Variants in OSBPL5 observed in about 807,000 individuals in gnomAD.
OSBPL5 encodes oxysterol-binding protein-related protein 5.
In OSBPL5, 71 loss-of-function variants were observed where a neutral mutation model predicts 111.2. That is an observed-to-expected ratio of 0.64 (90% CI 0.53 to 0.78). The LOEUF is 0.78. Among genes scored for constraint, OSBPL5 ranks in the 30% least tolerant of loss-of-function variants. The pLI is 0.00. For synonymous variants in OSBPL5, 549 were observed against 513.9 expected, an observed-to-expected ratio of 1.07 and a Z score of -0.93; for missense variants, 1,210 against 1,189.3, an observed-to-expected ratio of 1.02 and a Z score of -0.26.
rs1219834079 is a variant in OSBPL5, at chr11:3,103,787, CCTTCCTGCCTCTGCAGCCCT to C, written c.1244+386_1244+405del. Among the ~76,000 whole-genome samples the C allele has an allele frequency of 2.6e-3, 168 of 63,904 alleles. 5 individuals are homozygous for C. Among genetic ancestry groups the C allele is most frequent in the East Asian group, 8.9e-3 (11 of 1,234 alleles). The allele number at this position is 63,904 out of a possible 152,430, so 41.9% of individuals were successfully genotyped here. A position where few individuals can be genotyped will look rare whatever the true frequency, so the allele number is the denominator to read the frequency against. The stretch of plus-strand genomic sequence containing the variant: ...CAGCCCCCTTCCAGCCTCTGCAGTC[CCTTCCTGCCTCTGCAGCCCT>C]CTTCCTGCCTGCGCAGCCCCCTTCC... On this transcript the variant is annotated intron_variant, in intron 10 of 21. Transcript: ENST00000263650.
rs192839953 is a variant in OSBPL5, at chr11:3,154,709, A to C, written c.-22+10507T>G. Among the ~76,000 whole-genome samples the C allele has an allele frequency of 1.0e-3, 154 of 152,252 alleles. 1 individual carries two copies. The highest frequency in any genetic ancestry group is 3.2e-3 in the African/African-American group (132 of 41,530). ...GCTCCACTACCCATGGTTATGGGCT[A>C]AATGTGTCCCCTCAATCCATGTGTT... On this transcript the variant is annotated intron_variant, in intron 1 of 21. Coordinates refer to ENST00000263650, the MANE Select transcript of OSBPL5 (RefSeq NM_020896.4). The surrounding 1 kb of genome is among the most constrained non-coding windows in gnomAD (Gnocchi z 4.9).
intron 13 of OSBPL5, 48 bp downstream of exon 13, chr11:3,101,555 A>G: frequency 4.5e-6 from 7 of 1,543,984 alleles, no homozygotes; most frequent in Non-Finnish European, 6.3e-6. Flanking sequence ...CCTCCCGACC[A>G]TCGCATTTCC....
At chr11:3,102,968 TG>T (rs1590648335) in intron 11 of OSBPL5, among the ~76,000 whole-genome samples, 1 of 152,150 alleles carries the variant, frequency 6.6e-6, no homozygotes, top group East Asian at 1.9e-4. Flanking sequence ...GCTGTTTTCT[TG>T]GGGGGTGGGG....
At chr11:3,123,393 T>C (rs1858491614) in intron 3 of OSBPL5, among the ~76,000 whole-genome samples, 1 of 152,200 alleles carries the variant, frequency 6.6e-6, no homozygotes, top group African/African-American at 2.4e-5. Flanking sequence ...GATGTGAAAA[T>C]TATATGAAAT....
At position 3,087,986 on chromosome 11, in the gene OSBPL5, G is replaced by A. The variant is rs115206979; in HGVS notation, c.*219C>T. On this transcript the variant is annotated 3_prime_UTR_variant, in exon 22 of 22. Transcript: ENST00000263650. ...ATTTGGCTTTAGCATTAAGGCCAGC[G>A]CTGGGCGGAAGGCCCTGCAGAGAGG... 3,315 of 428,852 alleles carry A rather than the reference G, an allele frequency of 7.7e-3. 101 individuals carry two copies. The highest frequency in any genetic ancestry group is 0.061 in the African/African-American group (2,985 of 49,156). 26.6% of individuals were successfully genotyped at this position (428,852 alleles called of 1,614,324 possible). A position where few individuals can be genotyped will look rare whatever the true frequency, so the allele number is the denominator to read the frequency against.
chr11:3,112,077 G>GTGTGTATGTGTGTGTGCA (rs71464199), intron 7 of OSBPL5, among the ~76,000 whole-genome samples: 13 of 98,786 alleles, frequency 1.3e-4, no homozygotes, highest in African/African-American at 4.1e-4. Context: ...GTGTGTGCAT[G>GTGTGTATGTGTGTGTGCA]TGTGTGTGCA....
Position 3,120,504 on chromosome 11 carries a change from C to T in OSBPL5, c.523G>A (p.Glu175Lys), listed in dbSNP as rs34183743. 0.01 allele frequency: 16,523 copies of T among 1,613,330 alleles called. 113 individuals carry two copies. The highest frequency in any genetic ancestry group is 0.028 in the Middle Eastern group (169 of 6,062). Residue 175 changes from glutamate (E) to lysine (K), a missense_variant, in exon 6 of 22, where the codon GAG becomes AAG. Physicochemically the swap from Glu to Lys is moderately conservative, Grantham distance 56. Coordinates refer to ENST00000263650, the MANE Select transcript of OSBPL5 (RefSeq NM_020896.4). The stretch of plus-strand genomic sequence containing the variant: ...TTCTTGGAGGGCCGCTCGATGAGCT[C>T]GCAGCAGTGCAGCAGCACCGTGCCC... Reference protein sequence around the residue: ...WVGTVLLHCCELIERPSKKDG... With the variant: ...WVGTVLLHCCKLIERPSKKDG...
chr11:3,095,964 A>AG (rs1281583624), intron 14 of OSBPL5, among the ~76,000 whole-genome samples: 1 of 152,160 alleles, frequency 6.6e-6, no homozygotes, highest in Non-Finnish European at 1.5e-5. Flanking sequence ...GTTGAAAAAA[A>AG]CTGTGCTGAA....
In OSBPL5 at chr11:3,102,257, T is replaced by C; in HGVS notation, c.1351A>G (p.Ile451Val). ...PKGIKKPYNP[I>V]LGETFRCCWF... ...CAGCAGCGGAAGGTCTCCCCCAGGA[T>C]GGGGTTGTACGGCTTCTTGATTCCC... Residue 451 changes from isoleucine to valine, a missense_variant, in exon 12 of 22, where the codon ATC (isoleucine) becomes GTC (valine). Coordinates refer to ENST00000263650, the MANE Select transcript of OSBPL5 (RefSeq NM_020896.4). 6.2e-7 allele frequency: 1 copy of C among 1,605,916 alleles called. No individual in the cohort carries two copies. Among genetic ancestry groups the C allele is most frequent in the Non-Finnish European group, 8.5e-7 (1 of 1,176,806 alleles).
chr11:3,149,334 C>A (rs1001726771), intron 1 of OSBPL5, among the ~76,000 whole-genome samples: 3 of 152,204 alleles, frequency 2.0e-5, no homozygotes, highest in African/African-American at 7.2e-5. Flanking sequence ...CTTTGGGAGA[C>A]CTCCCAGCAC....
chr11:3,117,329 C>G (rs1168506331), intron 7 of OSBPL5, among the ~76,000 whole-genome samples: 1 of 152,166 alleles, frequency 6.6e-6, no homozygotes, highest in Admixed American at 6.5e-5. Context: ...CCCAGGAGCT[C>G]CAAATTTATC....
intron 1 of OSBPL5, among the ~76,000 whole-genome samples, chr11:3,134,120 C>T (rs1046875997): frequency 6.6e-6 from 1 of 152,192 alleles, no homozygotes; most frequent in Non-Finnish European, 1.5e-5. Flanking sequence ...GACCCCAAGT[C>T]CAAGTCAGCC....
chr11:3,107,498 A>G lies in OSBPL5; in HGVS notation c.867-43T>C, dbSNP rs750116056. On this transcript the variant is annotated intron_variant, in intron 8 of 21. Coordinates refer to ENST00000263650, the MANE Select transcript of OSBPL5 (RefSeq NM_020896.4). This position sits in a 1 kb window ranked among gnomAD's most constrained non-coding sequence, Gnocchi z 6.1. ...CCAGTGGGTCCCTGTCACAGGTGAG[A>G]GCCCAGCACAGCCCTCTGGGCTGCC... 1 of 1,598,858 alleles carries G rather than the reference A, an allele frequency of 6.3e-7. No individual in the cohort carries two copies. The highest frequency in any genetic ancestry group is 1.7e-5 in the Admixed American group (1 of 59,448).
At chr11:3,108,751 T>C (rs1857801404) in intron 7 of OSBPL5, among the ~76,000 whole-genome samples, 1 of 143,382 alleles carries the variant, frequency 7.0e-6, no homozygotes, top group Non-Finnish European at 1.5e-5. Flanking sequence ...CTGTGACAGG[T>C]CACACTATTA....
At chr11:3,131,284 T>C (rs1378173561) in intron 1 of OSBPL5, among the ~76,000 whole-genome samples, 1 of 152,076 alleles carries the variant, frequency 6.6e-6, no homozygotes, top group Non-Finnish European at 1.5e-5. Flanking sequence ...GTCTCATCTA[T>C]ACACCAGTCT....
At chr11:3,143,498 C>T (rs1252971710) in intron 1 of OSBPL5, among the ~76,000 whole-genome samples, 4 of 152,186 alleles carry the variant, frequency 2.6e-5, no homozygotes, top group Non-Finnish European at 4.4e-5. Context: ...ATCTGTGCAA[C>T]GGATGGAAGA....
chr11:3,112,040 TGCGCGC>T (rs1857983398), intron 7 of OSBPL5, among the ~76,000 whole-genome samples: 4 of 87,602 alleles, frequency 4.6e-5, no homozygotes, highest in Admixed American at 2.2e-4. Flanking sequence ...TGTGTATGTG[TGCGCGC>T]ATGTGTGTGC....
At chr11:3,117,347 C>A (rs1277152522) in intron 7 of OSBPL5, among the ~76,000 whole-genome samples, 2 of 152,204 alleles carry the variant, frequency 1.3e-5, no homozygotes, top group African/African-American at 4.8e-5. Context: ...ATCTTGGAAC[C>A]TCAAGAAGAT....
At chr11:3,096,684 A>G (rs1857266504) in intron 14 of OSBPL5, among the ~76,000 whole-genome samples, 1 of 151,986 alleles carries the variant, frequency 6.6e-6, no homozygotes, top group Non-Finnish European at 1.5e-5. Context: ...ATATAAAATA[A>G]AATAAAATAC....
Sources: allele counts gnomAD v4.1 joint callset (sites outside exome capture counted in the v4.1 genomes callset), GRCh38; gene constraint gnomAD v4.1.1; non-coding constraint Gnocchi (gnomAD v3.1); transcripts MANE v1.5; gene names NCBI Gene and HGNC (gene_info 2026-07-23, HGNC 2026-07-21).